The following AHCY variants were observed in gnomAD, a reference collection of about 807,000 sequenced individuals.
AHCY encodes S-adenosyl-L-homocysteine hydrolase.
A neutral mutation model predicts 45.4 loss-of-function variants in AHCY; 24 were observed. The ratio of observed to expected loss-of-function variants is 0.53; its 90% CI spans 0.38 to 0.74. The LOEUF (loss-of-function observed/expected upper bound fraction) is 0.74. AHCY is among the 30% of genes least tolerant of loss of function. The pLI is 0.00. For synonymous variants in AHCY, 245 were observed against 235.1 expected, an observed-to-expected ratio of 1.04 and a Z score of -0.39; for missense variants, 449 against 594.1, an observed-to-expected ratio of 0.76 and a Z score of 2.54.
chr20:34,299,152 C>T (rs954631186), intron 1 of AHCY, among the ~76,000 whole-genome samples: 3 of 152,178 alleles, frequency 2.0e-5, no homozygotes, highest in South Asian at 2.1e-4. Context: ...CTCTCGTCGC[C>T]GCACACAGGG....
At chr20:34,240,483 C>T in the AHCY span, among the ~76,000 whole-genome samples, 4 of 152,134 alleles carry the variant, frequency 2.6e-5, no homozygotes, top group Non-Finnish European at 5.9e-5. Flanking sequence ...AGAACTGCAG[C>T]GTCATAGTTT....
the AHCY span, among the ~76,000 whole-genome samples, chr20:34,238,396 T>G: frequency 6.6e-6 from 1 of 152,156 alleles, no homozygotes; most frequent in Non-Finnish European, 1.5e-5. Flanking sequence ...TATCTTCAAG[T>G]TCATTGAGTC....
chr20:34,283,802 T>A (rs2036081019), intron 9 of AHCY, among the ~76,000 whole-genome samples: 1 of 152,218 alleles, frequency 6.6e-6, no homozygotes, highest in Non-Finnish European at 1.5e-5. Context: ...TGGCTGGCCC[T>A]GGAGGCAGAT....
intron 9 of AHCY, 118 bp downstream of exon 9, chr20:34,285,322 C>T: frequency 9.1e-7 from 1 of 1,099,516 alleles, no homozygotes; most frequent in South Asian, 1.3e-5. Context: ...GTAGAGGACC[C>T]CATGAGGGCC....
the AHCY span, among the ~76,000 whole-genome samples, chr20:34,271,010 G>C: frequency 6.6e-6 from 1 of 152,098 alleles, no homozygotes; most frequent in East Asian, 1.9e-4. Context: ...GTCTCACTCT[G>C]TCACTCAGGT....
chr20:34,302,806 G>A (rs1276129702), intron 1 of AHCY: 2 of 1,016,358 alleles, frequency 2.0e-6, no homozygotes, highest in South Asian at 4.2e-5. Context: ...ACCCTCCGGG[G>A]TGCCCTCGCC....
chr20:34,258,346 C>CT, the AHCY span, among the ~76,000 whole-genome samples: 17,462 of 138,378 alleles, frequency 0.13, 3,504 homozygotes, highest in African/African-American at 0.42. Context: ...GTTGGATATT[C>CT]TTTTTTTTTT....
the AHCY span, among the ~76,000 whole-genome samples, chr20:34,235,528 C>G: frequency 6.6e-6 from 1 of 152,102 alleles, no homozygotes; most frequent in Non-Finnish European, 1.5e-5. Context: ...TATGGAGAAA[C>G]TTCTAATGAC....
chr20:34,293,950 G>A (rs112059829), intron 3 of AHCY, 131 bp downstream of exon 3: 3 of 911,208 alleles, frequency 3.3e-6, no homozygotes, highest in African/African-American at 1.6e-5. Flanking sequence ...GGGTCGCTGG[G>A]CTAGGATTTT....
chr20:34,306,104 A>G (rs1054432309), upstream of AHCY, among the ~76,000 whole-genome samples: 7 of 151,902 alleles, frequency 4.6e-5, no homozygotes, highest in Non-Finnish European at 7.4e-5. Flanking sequence ...AAAAAGAAAA[A>G]AAAAGAAATG....
chr20:34,235,839 A>AGG, the AHCY span, among the ~76,000 whole-genome samples: 8 of 64,440 alleles, frequency 1.2e-4, no homozygotes, highest in African/African-American at 1.4e-3. Flanking sequence ...GAAAGAAAGA[A>AGG]AGAAGGAAGG....
At chr20:34,258,148 A>C in the AHCY span, among the ~76,000 whole-genome samples, 50 of 151,994 alleles carry the variant, frequency 3.3e-4, no homozygotes, top group African/African-American at 1.2e-3. Context: ...CATCTTAAAA[A>C]AAAAAAGAGA....
chr20:34,307,545 T>C (rs997801635), upstream of AHCY, among the ~76,000 whole-genome samples: 2 of 152,188 alleles, frequency 1.3e-5, no homozygotes, highest in African/African-American at 4.8e-5. Context: ...GCTAATTTTG[T>C]ATTTTTAGTA....
chr20:34,261,469 A>G, the AHCY span, among the ~76,000 whole-genome samples: 1 of 152,208 alleles, frequency 6.6e-6, no homozygotes, highest in African/African-American at 2.4e-5. Context: ...CCCCGTCCCT[A>G]TTAAAAATAC....
the AHCY span, among the ~76,000 whole-genome samples, chr20:34,251,360 T>A: frequency 6.6e-6 from 1 of 151,682 alleles, no homozygotes; most frequent in African/African-American, 2.4e-5. Flanking sequence ...AACCTCCACC[T>A]CCCCGGTTCA....
rs1413969756 is a variant in AHCY at position 34,308,954 on chromosome 20, A to G, written c.-57+2518T>C. Among the ~76,000 whole-genome samples, 8 of 112,262 alleles carry G rather than the reference A, an allele frequency of 7.1e-5. No individual in the cohort carries two copies. In the East Asian group the frequency reaches 1.0e-3, roughly 15 times the overall value. The allele number at this position is 112,262 out of a possible 152,430, so 73.6% of individuals were successfully genotyped here. On this transcript the variant is annotated intron_variant, in intron 1 of 9. Coordinates refer to the AHCY transcript ENST00000538132. ...CAGGCGTGAGCCACTGCGCCTGGCC[A>G]ATTTTTTTTTTTTTTTTTTTTTTGA...
chr20:34,255,398 CCTCCCTCCCACCT>C, the AHCY span, among the ~76,000 whole-genome samples: 1 of 152,034 alleles, frequency 6.6e-6, no homozygotes, highest in Admixed American at 6.6e-5. Flanking sequence ...TTCAAGCAAT[CCTCCCTCCCACCT>C]CACCCTCCCA....
the AHCY span, among the ~76,000 whole-genome samples, chr20:34,245,261 G>A: frequency 6.7e-6 from 1 of 149,546 alleles, no homozygotes; most frequent in Non-Finnish European, 1.5e-5. Context: ...TTGAACCTGG[G>A]AGGCGGAGGT....
chr20:34,244,321 A>G, the AHCY span, among the ~76,000 whole-genome samples: 1 of 152,182 alleles, frequency 6.6e-6, no homozygotes, highest in East Asian at 1.9e-4. Context: ...TATTTCCAGG[A>G]CTACATCTTG....
Sources: allele counts gnomAD v4.1 joint callset (sites outside exome capture counted in the v4.1 genomes callset), GRCh38; gene constraint gnomAD v4.1.1; transcripts MANE v1.5; gene names NCBI Gene and HGNC (gene_info 2026-07-23, HGNC 2026-07-21).